FRMPD1: variants seen among roughly 807,000 people sequenced by gnomAD.
The protein encoded by FRMPD1 is FERM and PDZ domain-containing protein 1.
A neutral mutation model predicts 117.8 loss-of-function variants in FRMPD1; 76 were observed. The ratio of observed to expected loss-of-function variants is 0.65; its 90% CI spans 0.54 to 0.78. The LOEUF is 0.78. Among genes scored for constraint, FRMPD1 ranks in the 30% least tolerant of loss-of-function variants. The probability of loss-of-function intolerance (pLI) is 0.00; values close to 1 mark genes in which losing one functional copy is unlikely to be tolerated. For synonymous variants in FRMPD1, 783 were observed against 770.4 expected (o/e 1.02, Z -0.27); for missense variants, 1,786 against 1,964.5 (o/e 0.91, Z 1.72).
At chr9:37,661,230 G>C (rs923910036) in intron 1 of FRMPD1, among the ~76,000 whole-genome samples, 8 of 152,152 alleles carry the variant, frequency 5.3e-5, no homozygotes, top group Non-Finnish European at 8.8e-5. Flanking sequence ...TGTAGTCTTA[G>C]TACTAGAGTC....
Position 37,746,253 on chromosome 9 carries a change from A to C in FRMPD1, c.4221A>C (p.Ala1407=). The part of the protein sequence containing the change: ...SHIWPEYCSR[A]LRQLKATPAS... ...TCTGGCCAGAGTACTGCTCCAGGGC[A>C]CTGAGACAGCTGAAAGCCACCCCTG... Residue 1407 remains alanine (A), a synonymous_variant, in exon 16 of 16, where the codon GCA becomes GCC. Transcript: ENST00000377765. The C allele has an allele frequency of 1.2e-6, 2 of 1,612,898 alleles. No homozygotes were observed. The highest frequency in any genetic ancestry group is 1.7e-6 in the Non-Finnish European group (2 of 1,179,866).
intron 4 of FRMPD1, among the ~76,000 whole-genome samples, chr9:37,709,456 G>A (rs1384710630): frequency 6.6e-6 from 1 of 151,622 alleles, no homozygotes; most frequent in East Asian, 1.9e-4. Flanking sequence ...TCGGGTGGCT[G>A]AGGCAGGAGA....
upstream of FRMPD1, among the ~76,000 whole-genome samples, chr9:37,650,204 C>T (rs1377147015): frequency 1.3e-5 from 2 of 152,160 alleles, no homozygotes; most frequent in African/African-American, 4.8e-5. Context: ...GAAAATAGTG[C>T]ACAGACACAT....
intron 1 of FRMPD1, among the ~76,000 whole-genome samples, chr9:37,677,715 T>C (rs968559843): frequency 2.0e-5 from 3 of 152,210 alleles, no homozygotes; most frequent in African/African-American, 7.2e-5. Context: ...TGTGAAAGCT[T>C]GGAAGGAGGA....
chr9:37,650,301 T>C (rs1433304591), upstream of FRMPD1, among the ~76,000 whole-genome samples: 1 of 151,812 alleles, frequency 6.6e-6, no homozygotes, highest in African/African-American at 2.4e-5. Context: ...AAGGGCTGAG[T>C]GCAGAGTCCC....
At position 37,725,648 on chromosome 9, in the gene FRMPD1, G is replaced by A. The variant is rs183212456; in HGVS notation, c.612+1328G>A. On this transcript the variant is annotated intron_variant, in intron 7 of 15. Coordinates refer to ENST00000377765, the MANE Select transcript of FRMPD1 (RefSeq NM_014907.3). The stretch of plus-strand genomic sequence containing the variant: ...TCCAAGCCCAGAGGAGGAAGCAATG[G>A]AGGAATAGACTTTAAGTGTTTACTA... Among the ~76,000 whole-genome samples, 3 of 152,318 alleles carry A rather than the reference G, an allele frequency of 2.0e-5. No homozygotes were observed. In the East Asian group the frequency reaches 5.8e-4, roughly 29 times the overall value.
chr9:37,644,302 G>A, the FRMPD1 span, among the ~76,000 whole-genome samples: 11 of 152,292 alleles, frequency 7.2e-5, no homozygotes, highest in African/African-American at 2.4e-4. Context: ...AGGTAGCCCA[G>A]GATTGAAAGC....
intron 15 of FRMPD1, among the ~76,000 whole-genome samples, chr9:37,743,113 G>A (rs1824498725): frequency 6.6e-6 from 1 of 152,272 alleles, no homozygotes; most frequent in South Asian, 2.1e-4. Context: ...ATTCCCAAGG[G>A]TTCTTTACAA....
At chr9:37,621,202 G>A in the FRMPD1 span, among the ~76,000 whole-genome samples, 1 of 152,158 alleles carries the variant, frequency 6.6e-6, no homozygotes, top group African/African-American at 2.4e-5. Flanking sequence ...CTACACTAGG[G>A]TAGACCTTCA....
the FRMPD1 span, among the ~76,000 whole-genome samples, chr9:37,620,944 A>T: frequency 6.6e-6 from 1 of 152,212 alleles, no homozygotes; most frequent in Non-Finnish European, 1.5e-5. Context: ...ATGATGTGAC[A>T]TCCAATATTT....
intron 14 of FRMPD1, among the ~76,000 whole-genome samples, chr9:37,737,611 G>A (rs577850076): frequency 6.6e-6 from 1 of 152,182 alleles, no homozygotes; most frequent in South Asian, 2.1e-4. Context: ...ATCACCTGAG[G>A]CCAGGAGTTT....
chr9:37,611,773 C>A, the FRMPD1 span, among the ~76,000 whole-genome samples: 3 of 152,110 alleles, frequency 2.0e-5, no homozygotes, highest in East Asian at 5.8e-4. Context: ...TTTTGACATA[C>A]CTTAGTGCAC....
At chr9:37,675,965 C>G (rs543036401) in intron 1 of FRMPD1, among the ~76,000 whole-genome samples, 1 of 152,306 alleles carries the variant, frequency 6.6e-6, no homozygotes, top group Admixed American at 6.5e-5. Context: ...GATCATCTCT[C>G]TAATCCTTAA....
At chr9:37,665,840 A>AG (rs1821143321) in intron 1 of FRMPD1, among the ~76,000 whole-genome samples, 2 of 152,202 alleles carry the variant, frequency 1.3e-5, no homozygotes, top group South Asian at 2.1e-4. Flanking sequence ...CCCAGCAGCC[A>AG]CATGTGAGGG....
At chr9:37,685,453 C>T (rs1026304128) in intron 1 of FRMPD1, among the ~76,000 whole-genome samples, 3 of 151,706 alleles carry the variant, frequency 2.0e-5, no homozygotes, top group African/African-American at 4.8e-5. Flanking sequence ...ACTATCCTGG[C>T]TAACACGGTG....
chr9:37,613,383 G>A, the FRMPD1 span, among the ~76,000 whole-genome samples: 1 of 152,192 alleles, frequency 6.6e-6, no homozygotes, highest in Non-Finnish European at 1.5e-5. Context: ...AAAGCAAGAA[G>A]TTAATGTTAC....
intron 2 of FRMPD1, among the ~76,000 whole-genome samples, chr9:37,704,424 A>G (rs1318618599): frequency 1.3e-5 from 2 of 152,080 alleles, no homozygotes; most frequent in African/African-American, 4.8e-5. Context: ...GTTTTTATGT[A>G]GCTATTAGAA....
chr9:37,702,840 G>A (rs1437694240), intron 2 of FRMPD1, among the ~76,000 whole-genome samples: 1 of 152,218 alleles, frequency 6.6e-6, no homozygotes, highest in Non-Finnish European at 1.5e-5. Context: ...TATGTCTGAA[G>A]CTTTTAGGCC....
chr9:37,675,469 G>C (rs1329998681), intron 1 of FRMPD1, among the ~76,000 whole-genome samples: 1 of 152,028 alleles, frequency 6.6e-6, no homozygotes, highest in Non-Finnish European at 1.5e-5. Context: ...GTGTGATGGT[G>C]GTGGGGATAG....
Sources: allele counts gnomAD v4.1 joint callset (sites outside exome capture counted in the v4.1 genomes callset), GRCh38; gene constraint gnomAD v4.1.1; transcripts MANE v1.5; gene names NCBI Gene and HGNC (gene_info 2026-07-23, HGNC 2026-07-21).